The following ANKFN1 variants were observed in gnomAD, a reference collection of about 807,000 sequenced individuals.
ANKFN1 encodes ankyrin repeat and fibronectin type III domain containing 1, also known as ankyrin repeat and fibronectin type-III domain-containing protein 1.
Under a neutral mutation model 108.7 loss-of-function variants are expected in ANKFN1, and 74 were observed. The observed-to-expected ratio is 0.68, with a 90% CI of 0.56 to 0.83. The LOEUF is 0.83. Ranked by LOEUF, ANKFN1 falls within the 40% of genes least tolerant of loss-of-function variation. The pLI is 0.00. For synonymous variants in ANKFN1, 547 were observed against 516.2 expected (o/e 1.06, Z -0.81); for missense variants, 1,505 against 1,382.3 (o/e 1.09, Z -1.41).
intron 3 of ANKFN1, among the ~76,000 whole-genome samples, chr17:56,266,752 T>G: frequency 6.6e-6 from 1 of 152,142 alleles, no homozygotes; most frequent in East Asian, 1.9e-4. Context: ...ATCCCTTATA[T>G]GAAGAACCAT....
At chr17:56,350,232 G>A (rs1206642120) in intron 4 of ANKFN1, among the ~76,000 whole-genome samples, 3 of 152,102 alleles carry the variant, frequency 2.0e-5, no homozygotes, top group Non-Finnish European at 4.4e-5. Context: ...GCCTCAGATG[G>A]ACAGAGGACA....
chr17:56,055,782 T>A (rs919525610), intron 4 of ANKFN1, among the ~76,000 whole-genome samples: 1 of 151,112 alleles, frequency 6.6e-6, no homozygotes, highest in South Asian at 2.1e-4. Flanking sequence ...CTATTTTTAG[T>A]TCTTTGAGAA....
intron 3 of ANKFN1, among the ~76,000 whole-genome samples, chr17:56,270,471 G>A (rs17820020): frequency 2.0e-5 from 3 of 152,042 alleles, no homozygotes; most frequent in Admixed American, 1.3e-4. Context: ...AGTTCTGCTC[G>A]CAAGGTAAGC....
rs895380239 is a variant in ANKFN1 at position 56,250,711 on chromosome 17, C to G, written c.53+22754C>G. Among the ~76,000 whole-genome samples the G allele has an allele frequency of 3.3e-5, 5 of 152,166 alleles. No homozygotes were observed. The South Asian group carries it at 1.0e-3, about 32-fold the overall frequency. The stretch of plus-strand genomic sequence containing the variant: ...AATATGGTGTTCAGCCCAAGGTTTC[C>G]CTTCTCAGTACAATAGACCATTATG... On this transcript the variant is annotated intron_variant, in intron 3 of 20. Coordinates refer to ENST00000682825, the MANE Select transcript of ANKFN1 (RefSeq NM_001370326.1).
intron 4 of ANKFN1, among the ~76,000 whole-genome samples, chr17:56,329,281 C>T (rs1047436112): frequency 1.3e-5 from 2 of 152,132 alleles, no homozygotes; most frequent in East Asian, 1.9e-4. Flanking sequence ...AGAAAAACTT[C>T]ATGGGGGCCC....
chr17:56,126,922 A>G lies in ANKFN1; in HGVS notation c.288+80597A>G, dbSNP rs548556785. On this transcript the variant is annotated intron_variant, in intron 4 of 12. Coordinates refer to the ANKFN1 transcript ENST00000635860. ...AGCTCTAAATCATGGGGAGACAGTTAAAATTAAATGGGATAAATGCACAAA... is the reference window on the plus strand; with the variant it reads ...AGCTCTAAATCATGGGGAGACAGTTGAAATTAAATGGGATAAATGCACAAA... 2.0e-5 allele frequency among the ~76,000 whole-genome samples: 3 copies of G among 152,342 alleles called. No individual in the cohort carries two copies. The East Asian group carries it at 5.8e-4, about 29-fold the overall frequency.
At chr17:56,423,051 T>C (rs1384483325) in intron 8 of ANKFN1, among the ~76,000 whole-genome samples, 1 of 152,206 alleles carries the variant, frequency 6.6e-6, no homozygotes, top group East Asian at 1.9e-4. Context: ...CATCCAGCAA[T>C]TATTCTGAGG....
At chr17:56,381,286 T>C (rs984364302) in intron 8 of ANKFN1, among the ~76,000 whole-genome samples, 1 of 152,106 alleles carries the variant, frequency 6.6e-6, no homozygotes, top group African/African-American at 2.4e-5. Context: ...AACCCATCTG[T>C]ACATCACCAT....
chr17:56,416,620 G>A (rs191714884), intron 8 of ANKFN1, among the ~76,000 whole-genome samples: 133 of 152,264 alleles, frequency 8.7e-4, no homozygotes, highest in African/African-American at 2.9e-3. Flanking sequence ...ATGTAAATTC[G>A]TACAACCACT....
chr17:56,123,839 C>CAG (rs72419531), intron 4 of ANKFN1, among the ~76,000 whole-genome samples: 49,803 of 142,318 alleles, frequency 0.35, 9,199 homozygotes, highest in South Asian at 0.47. Flanking sequence ...GAGAGAGACA[C>CAG]AGAGAGAGAG....
intron 3 of ANKFN1, among the ~76,000 whole-genome samples, chr17:56,283,400 A>G (rs748377228): frequency 6.6e-6 from 1 of 152,126 alleles, no homozygotes; most frequent in Non-Finnish European, 1.5e-5. Context: ...CCCAGAGGAA[A>G]AGAAGTCATT....
At chr17:56,384,492 G>GAAGGA in intron 8 of ANKFN1, among the ~76,000 whole-genome samples, 2 of 152,354 alleles carry the variant, frequency 1.3e-5, no homozygotes, top group South Asian at 4.1e-4. Flanking sequence ...TTAGGCAGGA[G>GAAGGA]AAGGAAATAA....
intron 4 of ANKFN1, among the ~76,000 whole-genome samples, chr17:56,055,557 G>GTATATATATATATATA (rs1555588755): frequency 3.3e-4 from 7 of 20,958 alleles, no homozygotes; most frequent in East Asian, 7.6e-4. Context: ...TGTGTGTGTG[G>GTATATATATATATATA]TATATATACA....
chr17:56,133,400 A>G, intron 4 of ANKFN1, among the ~76,000 whole-genome samples: 1 of 151,956 alleles, frequency 6.6e-6, no homozygotes, highest in East Asian at 1.9e-4. Context: ...AAGCAATAAA[A>G]CCCTCAGTTT....
chr17:56,295,173 C>G (rs763617893), intron 3 of ANKFN1, among the ~76,000 whole-genome samples: 3 of 152,176 alleles, frequency 2.0e-5, no homozygotes, highest in Non-Finnish European at 4.4e-5. Flanking sequence ...TTGGGGAAAC[C>G]CCATGTCATG....
intron 3 of ANKFN1, among the ~76,000 whole-genome samples, chr17:56,265,678 A>G (rs1333837917): frequency 6.6e-6 from 1 of 152,224 alleles, no homozygotes; most frequent in Non-Finnish European, 1.5e-5. Flanking sequence ...ACCAAAATCC[A>G]TGGATGCTCA....
chr17:56,471,085 C>T (rs1293625368), intron 15 of ANKFN1: 1 of 152,306 alleles, frequency 6.6e-6, no homozygotes. Context: ...CTCATGCAAA[C>T]CCAAAGAGGA....
intron 4 of ANKFN1, among the ~76,000 whole-genome samples, chr17:56,058,119 AT>A: frequency 6.6e-6 from 1 of 152,304 alleles, no homozygotes. Flanking sequence ...GCCCTAGGGT[AT>A]TTGGAATGGT....
intron 3 of ANKFN1, among the ~76,000 whole-genome samples, chr17:56,281,354 T>A (rs2044078056): frequency 6.6e-6 from 1 of 152,146 alleles, no homozygotes; most frequent in Admixed American, 6.5e-5. Flanking sequence ...TAGATCATAA[T>A]TTGAAGGGAA....
Sources: gnomAD v4.1 joint callset for allele counts (sites outside exome capture counted in the v4.1 genomes callset) on GRCh38, gnomAD v4.1.1 for gene constraint, MANE v1.5 for transcripts, NCBI Gene and HGNC (gene_info 2026-07-23, HGNC 2026-07-21) for gene names.